SYTL2: variants seen among roughly 807,000 people sequenced by gnomAD.
SYTL2 encodes synaptotagmin-like protein 2.
A neutral mutation model predicts 198.7 loss-of-function variants in SYTL2; 165 were observed. The ratio of observed to expected loss-of-function variants is 0.83; its 90% CI spans 0.73 to 0.94. The LOEUF (loss-of-function observed/expected upper bound fraction) is 0.94, where lower values mean the gene tolerates loss of function less well. Ranked by LOEUF, SYTL2 falls within the 40% of genes least tolerant of loss-of-function variation. SYTL2 has a pLI of 0.00. For synonymous variants in SYTL2, 966 were observed against 917.7 expected (o/e 1.05, Z -0.95); for missense variants, 2,835 against 2,582.8 (o/e 1.10, Z -2.12).
the SYTL2 span, among the ~76,000 whole-genome samples, chr11:85,832,019 C>A: frequency 6.6e-6 from 1 of 152,022 alleles, no homozygotes; most frequent in African/African-American, 2.4e-5. Context: ...TAATTATTAT[C>A]TTTATATAGT....
At chr11:85,810,440 A>G (rs1441554853) in intron 1 of SYTL2, among the ~76,000 whole-genome samples, 1 of 152,144 alleles carries the variant, frequency 6.6e-6, no homozygotes, top group Non-Finnish European at 1.5e-5. Flanking sequence ...CCACTCGTGT[A>G]GTTTATAGCT....
the SYTL2 span, among the ~76,000 whole-genome samples, chr11:85,845,846 G>A: frequency 1.5e-4 from 23 of 152,110 alleles, no homozygotes; most frequent in African/African-American, 5.1e-4. Flanking sequence ...AACCTGGGAG[G>A]TGGAGCTTGC....
rs937211354 is a variant in SYTL2 at position 85,779,459 on chromosome 11, TCA to T, written c.-389-21347_-389-21346del. ...CTATTTCACAAAAGAGGAACTGGGT[TCA>T]GAGAAGCAGAATAATTTCACCTCCA... On this transcript the variant is annotated intron_variant, in intron 1 of 19. Coordinates refer to ENST00000359152, the MANE Select transcript of SYTL2 (RefSeq NM_206927.4). 1.2e-4 allele frequency among the ~76,000 whole-genome samples: 19 copies of T among 152,346 alleles called. No individual in the cohort carries two copies. The East Asian group carries it at 3.5e-3, about 28-fold the overall frequency.
At chr11:85,800,096 C>T (rs1407746857) in intron 1 of SYTL2, among the ~76,000 whole-genome samples, 1 of 152,120 alleles carries the variant, frequency 6.6e-6, no homozygotes, top group Non-Finnish European at 1.5e-5. Flanking sequence ...ACAAACACAC[C>T]CTCAAGGACC....
chr11:85,738,695 G>A (rs144759897), intron 4 of SYTL2, among the ~76,000 whole-genome samples: 2 of 152,310 alleles, frequency 1.3e-5, no homozygotes, highest in African/African-American at 4.8e-5. Context: ...TGGGTGATAT[G>A]AGGAACAACA....
chr11:85,752,936 AAAAAAAAAAAAAAAAC>A (rs1407767487), intron 2 of SYTL2, among the ~76,000 whole-genome samples: 2 of 143,230 alleles, frequency 1.4e-5, no homozygotes, highest in Admixed American at 1.4e-4. Flanking sequence ...AAAAAAAAAA[AAAAAAAAAAAAAAAAC>A]ACAACTAGGT....
intron 17 of SYTL2, among the ~76,000 whole-genome samples, chr11:85,700,239 T>G (rs1203468804): frequency 6.6e-6 from 1 of 152,082 alleles, no homozygotes; most frequent in Non-Finnish European, 1.5e-5. Flanking sequence ...GTTCTGGAGA[T>G]CTGTTTCCCA....
intron 4 of SYTL2, among the ~76,000 whole-genome samples, chr11:85,740,850 C>A (rs1355705270): frequency 6.6e-6 from 1 of 152,172 alleles, no homozygotes; most frequent in Non-Finnish European, 1.5e-5. Flanking sequence ...TAATACAAGT[C>A]TTTGAAATCT....
chr11:85,774,307 C>T (rs1197008670), intron 1 of SYTL2, among the ~76,000 whole-genome samples: 1 of 152,294 alleles, frequency 6.6e-6, no homozygotes, highest in African/African-American at 2.4e-5. Flanking sequence ...CACCATCACC[C>T]GCATTTTATC....
intron 4 of SYTL2, among the ~76,000 whole-genome samples, chr11:85,741,224 G>A (rs1400058303): frequency 6.6e-6 from 1 of 152,052 alleles, no homozygotes; most frequent in African/African-American, 2.4e-5. Flanking sequence ...GAACTGTGCT[G>A]GCATGTGTTG....
the SYTL2 span, among the ~76,000 whole-genome samples, chr11:85,835,857 G>C: frequency 6.6e-6 from 1 of 152,120 alleles, no homozygotes; most frequent in East Asian, 1.9e-4. Context: ...TTGGTAGTAG[G>C]GTCTTTCTGG....
intron 1 of SYTL2, among the ~76,000 whole-genome samples, chr11:85,784,980 T>C (rs1305541483): frequency 6.6e-6 from 1 of 152,116 alleles, no homozygotes; most frequent in Non-Finnish European, 1.5e-5. Flanking sequence ...TTGCATGTAT[T>C]TAATGCGGTA....
At chr11:85,852,978 C>T in the SYTL2 span, 2 of 319,838 alleles carry the variant, frequency 6.3e-6, no homozygotes, top group Non-Finnish European at 6.1e-6. Context: ...GCCCCTCCGC[C>T]CAGCAGCCGC....
intron 13 of SYTL2, among the ~76,000 whole-genome samples, chr11:85,710,311 G>A (rs2086028815): frequency 1.3e-5 from 2 of 152,194 alleles, no homozygotes; most frequent in African/African-American, 4.8e-5. Flanking sequence ...ATGGATGATT[G>A]ATGAAGGGAG....
chr11:85,719,407 T>C (rs2087911025), intron 9 of SYTL2: 1 of 892,616 alleles, frequency 1.1e-6, no homozygotes, highest in Admixed American at 4.8e-5. Context: ...TGATTTTTTT[T>C]TAACCCTATA....
chr11:85,762,362 T>A (rs2092119920), intron 1 of SYTL2, among the ~76,000 whole-genome samples: 1 of 152,142 alleles, frequency 6.6e-6, no homozygotes, highest in Non-Finnish European at 1.5e-5. Flanking sequence ...TATTGATGTG[T>A]TCACAGGAGG....
chr11:85,698,209 AT>A, intron 17 of SYTL2, 131 bp from the exon 18 acceptor site: 1 of 635,056 alleles, frequency 1.6e-6, no homozygotes, highest in African/African-American at 1.8e-5. Context: ...ATCTGAACTG[AT>A]TAAATCTATA....
rs148279885 is a variant in SYTL2, at chr11:85,769,182, T to G, written c.-389-11068A>C. ...TCCTCCAAAGATACCCACATCCTAATCCCTGGAACCTGAAGATATGCTGCC... is the reference window on the plus strand; with the variant it reads ...TCCTCCAAAGATACCCACATCCTAAGCCCTGGAACCTGAAGATATGCTGCC... On this transcript the variant is annotated intron_variant, in intron 1 of 19. Transcript: ENST00000359152. Among the ~76,000 whole-genome samples, 102 of 152,336 alleles carry G rather than the reference T, an allele frequency of 6.7e-4. 1 individual carries two copies. In the East Asian group the frequency reaches 0.017, roughly 25 times the overall value.
At position 85,789,350 on chromosome 11, in the gene SYTL2, A is replaced by ATATATATATATATATATATG. The variant is rs1252668755; in HGVS notation, c.-390+21603_-390+21604insCATATATATATATATATATA. On this transcript the variant is annotated intron_variant, in intron 1 of 19. Coordinates refer to ENST00000359152, the MANE Select transcript of SYTL2 (RefSeq NM_206927.4). ...TGTGTGTGTGTGTGTGTATATATAT[A>ATATATATATATATATATATG]TATATATATATATATATATATATAT... is the stretch of plus-strand genomic sequence containing the variant. Among the ~76,000 whole-genome samples the ATATATATATATATATATATG allele has an allele frequency of 2.5e-3, 94 of 38,180 alleles. 1 individual carries two copies. The highest frequency in any genetic ancestry group is 4.2e-3 in the South Asian group (5 of 1,180). The allele number at this position is 38,180 out of a possible 152,430, so 25.0% of individuals were successfully genotyped here. A position where few individuals can be genotyped will look rare whatever the true frequency, so the allele number is the denominator to read the frequency against.
Sources: gnomAD v4.1 joint callset for allele counts (sites outside exome capture counted in the v4.1 genomes callset) on GRCh38, gnomAD v4.1.1 for gene constraint, MANE v1.5 for transcripts, NCBI Gene and HGNC (gene_info 2026-07-23, HGNC 2026-07-21) for gene names.